Variants in GRIA3 observed in about 807,000 individuals in gnomAD.
GRIA3 encodes the protein glutamate ionotropic receptor AMPA type subunit 3, also known as glutamate receptor 3.
A neutral mutation model predicts 63.0 loss-of-function variants in GRIA3; 3 were observed. That is an observed-to-expected ratio of 0.05 (90% CI 0.02 to 0.12). The LOEUF is 0.12. Among genes scored for constraint, GRIA3 ranks in the 10% least tolerant of loss-of-function variants. The pLI is 1.00. For missense variants in GRIA3, 347 were observed against 700.9 expected (o/e 0.50, Z 5.70); for synonymous variants, 274 against 257.9 (o/e 1.06, Z -0.60).
intron 3 of GRIA3, among the ~76,000 whole-genome samples, chrX:123,313,185 G>A (rs5909990): frequency 1.8e-5 from 2 of 110,974 alleles, no homozygotes; most frequent in African/African-American, 6.6e-5. Flanking sequence ...TGATCTTGGG[G>A]GTGTTTTACG....
At chrX:123,201,959 A>C (rs1242838356) in intron 2 of GRIA3, among the ~76,000 whole-genome samples, 1 of 112,350 alleles carries the variant, frequency 8.9e-6, no homozygotes, top group Non-Finnish European at 1.9e-5. Context: ...CCACTGTAGC[A>C]CATGGTCTTT....
intron 3 of GRIA3, among the ~76,000 whole-genome samples, chrX:123,310,797 G>T (rs1011513466): frequency 8.9e-6 from 1 of 111,829 alleles, no homozygotes; most frequent in Non-Finnish European, 1.9e-5. Context: ...GAGGACAGGG[G>T]TTCAAGACCA....
chrX:123,311,497 A>G (rs774365492), intron 3 of GRIA3, among the ~76,000 whole-genome samples: 1 of 112,473 alleles, frequency 8.9e-6, no homozygotes, highest in African/African-American at 3.2e-5. Context: ...AGGCTCCAAG[A>G]TAGTATTCAA....
intron 4 of GRIA3, among the ~76,000 whole-genome samples, chrX:123,342,916 C>T (rs991916801): frequency 2.7e-5 from 3 of 110,832 alleles, no homozygotes; most frequent in Non-Finnish European, 5.7e-5. Context: ...TGGGAGCTGA[C>T]CATCCCACAA....
Position 123,223,259 on chromosome X carries a change from C to T in GRIA3, c.269-30044C>T, listed in dbSNP as rs148945994. Among the ~76,000 whole-genome samples, 37 of 112,980 alleles carry T rather than the reference C, an allele frequency of 3.3e-4. No individual in the cohort carries two copies. The East Asian group carries it at 9.7e-3, about 30-fold the overall frequency. Reference sequence around the variant, plus strand: ...CACTTAAGGAATTGATTTCTTCTTCCTTTCCTTTAAATAATAAGCCAACAG... The same window carrying T: ...CACTTAAGGAATTGATTTCTTCTTCTTTTCCTTTAAATAATAAGCCAACAG... On this transcript the variant is annotated intron_variant, in intron 2 of 15. Transcript: ENST00000620443.
At chrX:123,329,998 T>G (rs1350189306) in intron 4 of GRIA3, among the ~76,000 whole-genome samples, 1 of 112,145 alleles carries the variant, frequency 8.9e-6, no homozygotes, top group African/African-American at 3.2e-5. Context: ...GCATGGACTC[T>G]GGAGCCAGTC....
chrX:123,322,596 CT>C (rs1183851068), intron 3 of GRIA3, among the ~76,000 whole-genome samples: 1 of 110,966 alleles, frequency 9.0e-6, no homozygotes, highest in Non-Finnish European at 1.9e-5. Context: ...CGCATATTTA[CT>C]CTCTTTGGTC....
intron 7 of GRIA3, among the ~76,000 whole-genome samples, chrX:123,402,001 C>A: frequency 9.0e-6 from 1 of 111,639 alleles, no homozygotes; most frequent in East Asian, 2.8e-4. Context: ...TGGCCTCTTG[C>A]TAATTCATAA....
At chrX:123,393,965 T>C (rs1290090193) in intron 5 of GRIA3, among the ~76,000 whole-genome samples, 1 of 112,094 alleles carries the variant, frequency 8.9e-6, no homozygotes, top group East Asian at 2.8e-4. Context: ...CTGGCAGAGC[T>C]CACATGGAGA....
At chrX:123,373,823 G>A (rs2045265970) in intron 5 of GRIA3, among the ~76,000 whole-genome samples, 1 of 111,393 alleles carries the variant, frequency 9.0e-6, no homozygotes, top group South Asian at 3.8e-4. Context: ...CACTCTGATG[G>A]TAGTTTCTTT....
At chrX:123,379,730 G>T (rs1252442226) in intron 5 of GRIA3, among the ~76,000 whole-genome samples, 2 of 101,524 alleles carry the variant, frequency 2.0e-5, no homozygotes, top group African/African-American at 7.3e-5. Flanking sequence ...TGCCATGTTG[G>T]TGTGCTGCAC....
At chrX:123,415,827 C>T (rs2045533887) in intron 10 of GRIA3, among the ~76,000 whole-genome samples, 1 of 112,061 alleles carries the variant, frequency 8.9e-6, no homozygotes, top group Non-Finnish European at 1.9e-5. Flanking sequence ...TTCACTGCTT[C>T]ATTCCTAGCA....
chrX:123,318,410 G>A (rs770787890), intron 3 of GRIA3, among the ~76,000 whole-genome samples: 31 of 112,235 alleles, frequency 2.8e-4, no homozygotes, highest in Middle Eastern at 4.6e-3. Flanking sequence ...TTAATGCTCT[G>A]TTTCCCTTTA....
intron 14 of GRIA3, among the ~76,000 whole-genome samples, chrX:123,482,561 G>A (rs764886845): frequency 2.7e-5 from 3 of 111,922 alleles, no homozygotes; most frequent in Admixed American, 9.5e-5. Context: ...ACTAAGGAAC[G>A]TAAGGAGTCA....
At chrX:123,275,250 C>T (rs1011423795) in intron 3 of GRIA3, among the ~76,000 whole-genome samples, 1 of 111,879 alleles carries the variant, frequency 8.9e-6, no homozygotes, top group East Asian at 2.8e-4. Context: ...TGCATGAATT[C>T]GCTCATTTAA....
chrX:123,358,312 A>G (rs182570720), intron 5 of GRIA3: 12 of 112,300 alleles, frequency 1.1e-4, no homozygotes, highest in African/African-American at 3.6e-4. Context: ...TATTTAAGCT[A>G]CTTAACTAAG....
In GRIA3 at chrX:123,489,848, G is replaced by T. The variant is rs1412819621; in HGVS notation, c.*1138G>T. 8.9e-6 allele frequency: 1 copy of T among 111,955 alleles called. No individual in the cohort carries two copies. Among genetic ancestry groups the T allele is most frequent in the Non-Finnish European group, 1.9e-5 (1 of 53,127 alleles). 9.2% of individuals were successfully genotyped at this position (111,955 alleles called of 1,213,427 possible). A position where few individuals can be genotyped will look rare whatever the true frequency, so the allele number is the denominator to read the frequency against. On this transcript the variant is annotated 3_prime_UTR_variant, in exon 16 of 16. Transcript: ENST00000620443. Reference sequence around the variant, plus strand: ...GTCCTACTAGCTGTTGCCTGCTACCGCCCATGGCTCTCCATCGGACTGCAT... The same window carrying T: ...GTCCTACTAGCTGTTGCCTGCTACCTCCCATGGCTCTCCATCGGACTGCAT...
chrX:123,192,050 CAG>C (rs771514896), intron 2 of GRIA3, among the ~76,000 whole-genome samples: 7 of 111,290 alleles, frequency 6.3e-5, no homozygotes, highest in African/African-American at 2.3e-4. Context: ...AAGACTTTTA[CAG>C]GCCAAAGTAC....
chrX:123,401,865 T>A (rs2045445175), intron 7 of GRIA3, among the ~76,000 whole-genome samples: 1 of 112,234 alleles, frequency 8.9e-6, no homozygotes, highest in African/African-American at 3.2e-5. Flanking sequence ...AAGCAAAGTC[T>A]TTGACCTTTA....
Sources: gnomAD v4.1 joint callset for allele counts (sites outside exome capture counted in the v4.1 genomes callset) on GRCh38, gnomAD v4.1.1 for gene constraint, MANE v1.5 for transcripts, NCBI Gene and HGNC (gene_info 2026-07-23, HGNC 2026-07-21) for gene names.